Variants in MAP2K6 observed in about 807,000 individuals in gnomAD.
The protein encoded by MAP2K6 is mitogen-activated protein kinase kinase 6.
Under a neutral mutation model 53.7 loss-of-function variants are expected in MAP2K6, and 16 were observed. That is an observed-to-expected ratio of 0.30 (90% confidence interval 0.20 to 0.45). The LOEUF is 0.45. MAP2K6 is among the 20% of genes least tolerant of loss of function. The probability of loss-of-function intolerance (pLI) is 1.00; values close to 1 mark genes in which losing one functional copy is unlikely to be tolerated. For missense variants in MAP2K6, 204 were observed against 411.9 expected (o/e 0.50, Z 4.37); for synonymous variants, 132 against 143.1 (o/e 0.92, Z 0.55).
chr17:69,421,544 G>GTT lies in MAP2K6; in HGVS notation c.16+6555_16+6556dup, dbSNP rs1230000400. Among the ~76,000 whole-genome samples the GTT allele has an allele frequency of 1.1e-4, 16 of 141,470 alleles. No homozygotes were observed. The East Asian group carries it at 2.0e-3, about 18-fold the overall frequency. 92.8% of individuals were successfully genotyped at this position (141,470 alleles called of 152,430 possible). A position where few individuals can be genotyped will look rare whatever the true frequency, so the allele number is the denominator to read the frequency against. ...AATCCTTTTTTTGTTGTTGTTTTTTGTTTTTTTTTTTTGAGACAGAGTCTC... is the reference window on the plus strand; with the variant it reads ...AATCCTTTTTTTGTTGTTGTTTTTTGTTTTTTTTTTTTTTGAGACAGAGTCTC... On this transcript the variant is annotated intron_variant, in intron 1 of 11. Coordinates refer to ENST00000590474, the MANE Select transcript of MAP2K6 (RefSeq NM_002758.4).
At position 69,431,018 on chromosome 17, in the gene MAP2K6, GAGAATCT is replaced by G. The variant is rs2145137216; in HGVS notation, c.16+16021_16+16027del. Among the ~76,000 whole-genome samples the G allele has an allele frequency of 2.0e-5, 3 of 152,304 alleles. No individual in the cohort carries two copies. In the East Asian group the frequency reaches 5.8e-4, roughly 29 times the overall value. Reference sequence around the variant, plus strand: ...CCTTTGATCCAGCATTTTTATTTATGAGAATCTAGTCTATAAAAGTGATTATTGAGTG... The same window carrying G: ...CCTTTGATCCAGCATTTTTATTTATGAGTCTATAAAAGTGATTATTGAGTG... On this transcript the variant is annotated intron_variant, in intron 1 of 11. Coordinates refer to ENST00000590474, the MANE Select transcript of MAP2K6 (RefSeq NM_002758.4).
At position 69,524,442 on chromosome 17, in the gene MAP2K6, T is replaced by A. The variant is rs537082326; in HGVS notation, c.664-459T>A. On this transcript the variant is annotated intron_variant, in intron 8 of 11. Transcript: ENST00000590474. The stretch of plus-strand genomic sequence containing the variant: ...CCCCTTTAACTGGAGGAACGGCCAC[T>A]AGATTCTACCTGGAAATGGACTTGT... 2.7e-4 allele frequency among the ~76,000 whole-genome samples: 40 copies of A among 150,872 alleles called. No homozygotes were observed. In the South Asian group the frequency reaches 7.0e-3, roughly 26 times the overall value.
At chr17:69,472,927 G>T (rs955063100) in intron 1 of MAP2K6, among the ~76,000 whole-genome samples, 1 of 152,064 alleles carries the variant, frequency 6.6e-6, no homozygotes, top group African/African-American at 2.4e-5. Flanking sequence ...GGCTGGTCTC[G>T]AACTCCTGGA....
chr17:69,438,403 A>G lies in MAP2K6; in HGVS notation c.16+23403A>G, dbSNP rs573504535. Reference sequence around the variant, plus strand: ...CATTTAATTCTTCACAAAAAATTATATGGAAGTCATAGAAGACTAAATACA... The same window carrying G: ...CATTTAATTCTTCACAAAAAATTATGTGGAAGTCATAGAAGACTAAATACA... On this transcript the variant is annotated intron_variant, in intron 1 of 11. Coordinates refer to ENST00000590474, the MANE Select transcript of MAP2K6 (RefSeq NM_002758.4). Among the ~76,000 whole-genome samples the G allele has an allele frequency of 5.3e-5, 8 of 152,320 alleles. No individual in the cohort carries two copies. In the East Asian group the frequency reaches 1.2e-3, roughly 22 times the overall value.
intron 5 of MAP2K6, chr17:69,519,843 C>T (rs561639576): frequency 4.6e-5 from 10 of 216,154 alleles, no homozygotes; most frequent in East Asian, 2.8e-4. Flanking sequence ...TCCACTTTAG[C>T]GTTATATGGA....
intron 11 of MAP2K6, among the ~76,000 whole-genome samples, chr17:69,537,677 A>G (rs1472402279): frequency 6.6e-6 from 1 of 152,218 alleles, no homozygotes; most frequent in African/African-American, 2.4e-5. Flanking sequence ...CCATTTTGCA[A>G]CTGGATGAAT....
At position 69,417,879 on chromosome 17, in the gene MAP2K6, T is replaced by G. The variant is rs144870156; in HGVS notation, c.16+2879T>G. On this transcript the variant is annotated intron_variant, in intron 1 of 11. Coordinates refer to ENST00000590474, the MANE Select transcript of MAP2K6 (RefSeq NM_002758.4). ...GTTTGACCCTGTTAAAATACACTTT[T>G]CTCACTTCTCCTCCTATTCACCTTT... 5.3e-5 allele frequency among the ~76,000 whole-genome samples: 8 copies of G among 152,350 alleles called. No individual in the cohort carries two copies. The East Asian group carries it at 1.5e-3, about 29-fold the overall frequency.
At chr17:69,450,786 C>T (rs938994052) in intron 1 of MAP2K6, among the ~76,000 whole-genome samples, 2 of 151,752 alleles carry the variant, frequency 1.3e-5, no homozygotes, top group Non-Finnish European at 2.9e-5. Flanking sequence ...TAAGACCCTG[C>T]CCTCAGAGTA....
chr17:69,445,260 G>A (rs533251016), intron 1 of MAP2K6, among the ~76,000 whole-genome samples: 5 of 152,288 alleles, frequency 3.3e-5, no homozygotes, highest in African/African-American at 4.8e-5. Flanking sequence ...TACCAACTCC[G>A]AGGTAGAGGA....
chr17:69,502,192 A>G lies in MAP2K6; in HGVS notation c.17-3588A>G, dbSNP rs16974092. 1.3e-3 allele frequency: 1,305 copies of G among 985,406 alleles called. 14 individuals carry two copies. In the African/African-American group the frequency reaches 0.021, roughly 16 times the overall value. The allele number at this position is 985,406 out of a possible 1,614,324, so 61.0% of individuals were successfully genotyped here. On this transcript the variant is annotated intron_variant, in intron 1 of 11. Transcript: ENST00000590474. ...TCCCTTCTCCCTTCCTGAAGCTGCA[A>G]TTTCCTCGGAACAATGAGCTTGCAG... is the stretch of plus-strand genomic sequence containing the variant.
intron 1 of MAP2K6, among the ~76,000 whole-genome samples, chr17:69,444,293 A>T (rs1485171481): frequency 6.6e-6 from 1 of 152,168 alleles, no homozygotes; most frequent in African/African-American, 2.4e-5. Context: ...GGGAGGTTTT[A>T]GGATAGAGCA....
At position 69,516,716 on chromosome 17, in the gene MAP2K6, C is replaced by A. The variant is rs1910162536; in HGVS notation, c.84-139C>A. The A allele has an allele frequency of 8.5e-6, 5 of 591,168 alleles. No individual in the cohort carries two copies. In the South Asian group the frequency reaches 1.2e-4, roughly 15 times the overall value. 36.6% of individuals were successfully genotyped at this position (591,168 alleles called of 1,614,324 possible). A position where few individuals can be genotyped will look rare whatever the true frequency, so the allele number is the denominator to read the frequency against. On this transcript the variant is annotated intron_variant, in intron 2 of 11. Coordinates refer to ENST00000590474, the MANE Select transcript of MAP2K6 (RefSeq NM_002758.4). Reference sequence around the variant, plus strand: ...TTTATTTCAAATCCCCTCTTATTCACACTCATAGGCTGCTTTAGTTTACTC... The same window carrying A: ...TTTATTTCAAATCCCCTCTTATTCAAACTCATAGGCTGCTTTAGTTTACTC...
chr17:69,474,131 G>GA (rs2145183944), intron 1 of MAP2K6, among the ~76,000 whole-genome samples: 1 of 152,280 alleles, frequency 6.6e-6, no homozygotes, highest in African/African-American at 2.4e-5. Context: ...GCTCCGTATG[G>GA]GCAAGGGCTA....
At chr17:69,539,755 G>A (rs1445498952) in intron 11 of MAP2K6, among the ~76,000 whole-genome samples, 2 of 152,166 alleles carry the variant, frequency 1.3e-5, no homozygotes, top group Non-Finnish European at 1.5e-5. Context: ...ATAATCTGAG[G>A]TTTGGCATGT....
intron 1 of MAP2K6, among the ~76,000 whole-genome samples, chr17:69,452,031 G>T (rs533603988): frequency 6.6e-6 from 1 of 152,226 alleles, no homozygotes; most frequent in South Asian, 2.1e-4. Flanking sequence ...AAGTAGCAGC[G>T]GTGGGGATGG....
At chr17:69,435,760 C>T (rs1906621066) in intron 1 of MAP2K6, among the ~76,000 whole-genome samples, 1 of 151,810 alleles carries the variant, frequency 6.6e-6, no homozygotes, top group African/African-American at 2.4e-5. Context: ...CAACCTCCAC[C>T]AGGTTCAAGT....
intron 1 of MAP2K6, among the ~76,000 whole-genome samples, chr17:69,425,595 G>A (rs1373530032): frequency 6.6e-6 from 1 of 152,182 alleles, no homozygotes; most frequent in Non-Finnish European, 1.5e-5. Context: ...ACAAGCATGA[G>A]CCACCGCACC....
intron 1 of MAP2K6, among the ~76,000 whole-genome samples, chr17:69,449,591 T>TTCTTTCTTTC (rs1266574890): frequency 7.6e-6 from 1 of 131,330 alleles, no homozygotes; most frequent in East Asian, 2.2e-4. Context: ...CTTTCTTTCT[T>TTCTTTCTTTC]TTTCTTTCTT....
At chr17:69,527,669 C>CGGAGAT (rs1910844645) in intron 10 of MAP2K6, among the ~76,000 whole-genome samples, 1 of 152,038 alleles carries the variant, frequency 6.6e-6, no homozygotes, top group African/African-American at 2.4e-5. Context: ...GAAGGGGGCT[C>CGGAGAT]GGAGATGGTG....
Sources: gnomAD v4.1 joint callset for allele counts (sites outside exome capture counted in the v4.1 genomes callset) on GRCh38, gnomAD v4.1.1 for gene constraint, MANE v1.5 for transcripts, NCBI Gene and HGNC (gene_info 2026-07-23, HGNC 2026-07-21) for gene names.